The following KNDC1 variants were observed in gnomAD, a reference collection of about 807,000 sequenced individuals.
The protein encoded by KNDC1 is kinase non-catalytic C-lobe domain-containing protein 1.
Under a neutral mutation model 172.8 loss-of-function variants are expected in KNDC1, and 106 were observed. The observed-to-expected ratio is 0.61, with a 90% CI of 0.52 to 0.72. The LOEUF is 0.72. KNDC1 is among the 30% of genes least tolerant of loss of function. The probability of loss-of-function intolerance (pLI) is 0.00; values close to 1 mark genes in which losing one functional copy is unlikely to be tolerated. For synonymous variants in KNDC1, 1,083 were observed against 1,062.2 expected, an observed-to-expected ratio of 1.02 and a Z score of -0.38; for missense variants, 2,325 against 2,394.5, an observed-to-expected ratio of 0.97 and a Z score of 0.61.
Position 133,206,970 on chromosome 10 carries a change from C to T in KNDC1, c.3579+17C>T, listed in dbSNP as rs1845213927. The T allele has an allele frequency of 1.2e-6, 2 of 1,605,490 alleles. No individual in the cohort carries two copies. Among genetic ancestry groups the T allele is most frequent in the South Asian group, 1.1e-5 (1 of 90,898 alleles). On this transcript the variant is annotated intron_variant, in intron 19 of 29. Coordinates refer to ENST00000304613, the MANE Select transcript of KNDC1 (RefSeq NM_152643.8). ...TATCTGCAGGCAAGTGGGCTCCGGG[C>T]CCCGCTCTGCCCCGTGAGGCAGTAG...
intron 26 of KNDC1, among the ~76,000 whole-genome samples, chr10:133,216,612 G>A (rs768888131): frequency 1.3e-5 from 2 of 152,144 alleles, no homozygotes; most frequent in East Asian, 1.9e-4. Flanking sequence ...AGGAGGTGGC[G>A]GTTGCAGTGA....
In KNDC1 at chr10:133,197,089, T is replaced by C. The variant is rs747964427; in HGVS notation, c.1766T>C (p.Met589Thr). 1.9e-6 allele frequency: 3 copies of C among 1,613,276 alleles called. No homozygotes were observed. The highest frequency in any genetic ancestry group is 1.1e-5 in the South Asian group (1 of 91,084). Residue 589 changes from methionine (M) to threonine (T), a missense_variant, in exon 11 of 30, where the codon ATG becomes ACG. Met to Thr is a moderately conservative substitution (Grantham distance 81). Transcript: ENST00000304613. ...VCGSYLLQRG[M>T]DSRKILAHLR... Reference sequence around the variant, plus strand: ...GGCAGCTACCTCCTCCAGCGAGGCATGGACAGCCGGAAAATCCTTGCCCAC... The same window carrying C: ...GGCAGCTACCTCCTCCAGCGAGGCACGGACAGCCGGAAAATCCTTGCCCAC...
rs377214829 is a variant in KNDC1, at chr10:133,201,858, G to A, written c.3347G>A (p.Arg1116Gln). 2.3e-5 allele frequency: 34 copies of A among 1,477,972 alleles called. No homozygotes were observed. The Admixed American group carries it at 2.9e-4, about 12-fold the overall frequency. 91.6% of individuals were successfully genotyped at this position (1,477,972 alleles called of 1,614,324 possible). A position where few individuals can be genotyped will look rare whatever the true frequency, so the allele number is the denominator to read the frequency against. The change falls in exon 17 of 30, where the codon CGG becomes CAG. Residue 1116 changes from arginine (R) to glutamine (Q), a missense_variant. Physicochemically the swap from Arg to Gln is conservative, Grantham distance 43 (BLOSUM62 1). Coordinates refer to ENST00000304613, the MANE Select transcript of KNDC1 (RefSeq NM_152643.8). ...CACAACTACGTGAAGGACCTGGGGCGGCAGCAGGCGGACGGGGCCCTGCCC... is the reference window on the plus strand; with the variant it reads ...CACAACTACGTGAAGGACCTGGGGCAGCAGCAGGCGGACGGGGCCCTGCCC... The part of the protein sequence containing the change: ...DVHNYVKDLG[R>Q]QQADGALPDA...
intron 1 of KNDC1, among the ~76,000 whole-genome samples, chr10:133,162,110 A>G (rs1852995296): frequency 6.6e-6 from 1 of 152,130 alleles, no homozygotes; most frequent in Non-Finnish European, 1.5e-5. Context: ...CATCCCACCG[A>G]GTTTGCAGCG....
At chr10:133,170,261 G>C (rs577255059) in intron 3 of KNDC1, among the ~76,000 whole-genome samples, 3 of 152,204 alleles carry the variant, frequency 2.0e-5, no homozygotes. Context: ...GCAGGTGGAC[G>C]TACATCTGTT....
intron 6 of KNDC1, among the ~76,000 whole-genome samples, chr10:133,187,895 C>G (rs1464510117): frequency 6.6e-6 from 1 of 151,022 alleles, no homozygotes; most frequent in Non-Finnish European, 1.5e-5. Context: ...GAGCCCGCCC[C>G]CTGCACCCCG....
chr10:133,216,434 T>C (rs1462480558), intron 26 of KNDC1, among the ~76,000 whole-genome samples: 2 of 152,024 alleles, frequency 1.3e-5, no homozygotes, highest in African/African-American at 4.8e-5. Flanking sequence ...CCCCAGCCCT[T>C]TGGGAGGCCG....
At chr10:133,176,358 G>A (rs575352952) in intron 3 of KNDC1, among the ~76,000 whole-genome samples, 1 of 152,196 alleles carries the variant, frequency 6.6e-6, no homozygotes, top group South Asian at 2.1e-4. Context: ...AAACAAAGGG[G>A]AATGGAGGGA....
At chr10:133,218,754 A>AT in intron 26 of KNDC1, 77 bp from the exon 27 acceptor site, 1 of 1,540,544 alleles carries the variant, frequency 6.5e-7, no homozygotes, top group East Asian at 2.3e-5. Flanking sequence ...GAGCTGGGTG[A>AT]TTTTAACAGG....
chr10:133,184,239 GCA>G (rs1306235597), intron 5 of KNDC1, among the ~76,000 whole-genome samples: 4 of 97,044 alleles, frequency 4.1e-5, no homozygotes, highest in Admixed American at 1.2e-4. Context: ...ACACCCATGC[GCA>G]CACACTGCAC....
In KNDC1 at chr10:133,181,996, A is replaced by T. The variant is rs574992921; in HGVS notation, c.361-1348A>T. ...AATAAGACATCTCAGGAGAAAAAGG[A>T]GTTTGAGGCAGAATTGGATGAGCTT... On this transcript the variant is annotated intron_variant, in intron 3 of 29. Coordinates refer to ENST00000304613, the MANE Select transcript of KNDC1 (RefSeq NM_152643.8). Among the ~76,000 whole-genome samples the T allele has an allele frequency of 1.4e-4, 21 of 152,240 alleles. No homozygotes were observed. In the East Asian group the frequency reaches 4.1e-3, roughly 29 times the overall value.
chr10:133,210,548 C>T, intron 20 of KNDC1, 63 bp from the exon 21 acceptor site: 1 of 958,856 alleles, frequency 1.0e-6, no homozygotes, highest in Middle Eastern at 2.1e-4. Flanking sequence ...CACCACCGAA[C>T]ACTAGCCGAG....
chr10:133,208,600 C>G (rs1354090198), intron 20 of KNDC1, among the ~76,000 whole-genome samples: 1 of 152,058 alleles, frequency 6.6e-6, no homozygotes, highest in Non-Finnish European at 1.5e-5. Flanking sequence ...CGACCCCGTT[C>G]TCCCAAGGTG....
At position 133,189,792 on chromosome 10, in the gene KNDC1, G is replaced by GGA. The variant is rs1315113666; in HGVS notation, c.1558_1559dup (p.Leu521GlyfsTer3). ...TCTTTCTGGCTCCCGAGCTGGCAGAGGAGAGGCTGGTAACTGAAAAGGTAC... is the reference window on the plus strand; with the variant it reads ...TCTTTCTGGCTCCCGAGCTGGCAGAGGAGAGAGGCTGGTAACTGAAAAGGTAC... On this transcript the variant is annotated frameshift_variant, in exon 9 of 30. Coordinates refer to ENST00000304613, the MANE Select transcript of KNDC1 (RefSeq NM_152643.8). LOFTEE classifies it high-confidence loss of function. The GGA allele has an allele frequency of 1.2e-6, 2 of 1,613,930 alleles. No individual in the cohort carries two copies. The highest frequency in any genetic ancestry group is 3.3e-5 in the Admixed American group (2 of 60,022).
rs1282159869 is a variant in KNDC1 at position 133,188,578 on chromosome 10, C to T, written c.1366C>T (p.Pro456Ser). The T allele has an allele frequency of 6.3e-7, 1 of 1,589,972 alleles. No individual in the cohort carries two copies. The highest frequency in any genetic ancestry group is 8.6e-7 in the Non-Finnish European group (1 of 1,169,310). ...GGACCTCCTGTCCCAGCTGGGCCGG[C>T]CCTTCCGGGAGTACGAGCTGTGGGC... ...LQDLLSQLGR[P>S]FREYELWALC... The change falls in exon 7 of 30, where the codon CCC becomes TCC. Residue 456 changes from proline (P) to serine (S), a missense_variant. Coordinates refer to ENST00000304613, the MANE Select transcript of KNDC1 (RefSeq NM_152643.8).
In KNDC1 at chr10:133,207,215, A is replaced by C. The variant is rs779975751; in HGVS notation, c.3658A>C (p.Thr1220Pro). 6.2e-7 allele frequency: 1 copy of C among 1,612,544 alleles called. No homozygotes were observed. The highest frequency in any genetic ancestry group is 8.5e-7 in the Non-Finnish European group (1 of 1,179,896). The part of the protein sequence containing the change: ...IVNIAAAPCD[T>P]LDFSPLDESS... ...GAACATCGCGGCCGCACCCTGCGAC[A>C]CGCTGGACTTCAGCCCCCTGGACGA... is the stretch of plus-strand genomic sequence containing the variant. Residue 1220 changes from threonine to proline, a missense_variant, in exon 20 of 30, where the codon ACG becomes CCG. Physicochemically the swap from Thr to Pro is conservative, Grantham distance 38. Transcript: ENST00000304613.
At chr10:133,197,393 A>C (rs1854224393) in intron 11 of KNDC1, among the ~76,000 whole-genome samples, 1 of 152,132 alleles carries the variant, frequency 6.6e-6, no homozygotes, top group Non-Finnish European at 1.5e-5. Context: ...CCCCGGGCGC[A>C]GAGAGCTTTG....
At position 133,183,923 on chromosome 10, in the gene KNDC1, G is replaced by A; in HGVS notation, c.559G>A (p.Val187Met). Residue 187 changes from valine to methionine, a missense_variant, in exon 5 of 30, where the codon GTG becomes ATG. Val to Met is a conservative substitution (Grantham distance 21, BLOSUM62 1). Coordinates refer to ENST00000304613, the MANE Select transcript of KNDC1 (RefSeq NM_152643.8). ...GCTGCAGCTCACATCCTCCTGTCGC[G>A]TGTGCCGGAGCCTCTCTGCTGTGGG... ...EKLQLTSSCR[V>M]CRSLSAVGRR... 1.9e-6 allele frequency: 3 copies of A among 1,603,652 alleles called. No homozygotes were observed. Among genetic ancestry groups the A allele is most frequent in the Middle Eastern group, 1.7e-4 (1 of 5,862 alleles).
chr10:133,218,181 G>A (rs1303965830), intron 26 of KNDC1, among the ~76,000 whole-genome samples: 1 of 152,238 alleles, frequency 6.6e-6, no homozygotes, highest in Non-Finnish European at 1.5e-5. Context: ...GCTACAACAG[G>A]AGGGGTCAGC....
Sources: gnomAD v4.1 joint callset for allele counts (sites outside exome capture counted in the v4.1 genomes callset) on GRCh38, gnomAD v4.1.1 for gene constraint, MANE v1.5 for transcripts, NCBI Gene and HGNC (gene_info 2026-07-23, HGNC 2026-07-21) for gene names.